Variants in POSTN observed in about 807,000 individuals in gnomAD.
The protein encoded by POSTN is osteoblast specific factor 2 (fasciclin I-like).
In POSTN, 71 loss-of-function variants were observed where a neutral mutation model predicts 104.5. The ratio of observed to expected loss-of-function variants is 0.68; its 90% CI spans 0.56 to 0.83. The LOEUF (loss-of-function observed/expected upper bound fraction) is 0.83, where lower values mean the gene tolerates loss of function less well. Ranked by LOEUF, POSTN falls within the 40% of genes least tolerant of loss-of-function variation. The pLI, the probability that POSTN is intolerant of heterozygous loss-of-function variation, is 0.00. For synonymous variants in POSTN, 355 were observed against 340.7 expected, an observed-to-expected ratio of 1.04 and a Z score of -0.46; for missense variants, 949 against 1,006.8, an observed-to-expected ratio of 0.94 and a Z score of 0.78.
rs1950797063 is a variant in POSTN at position 37,587,912 on chromosome 13, C to G, written c.516G>C (p.Lys172Asn). 5.6e-6 allele frequency: 9 copies of G among 1,599,598 alleles called. No individual in the cohort carries two copies. Among genetic ancestry groups the G allele is most frequent in the Non-Finnish European group, 6.9e-6 (8 of 1,167,276 alleles). ...LNALHSHMIN[K>N]RMLTKDLKNG... Reference sequence around the variant, plus strand: ...TTTTTAAGTCCTTGGTCAACATTCTCTTATTAATCATGTGACTATGTAAAG... The same window carrying G: ...TTTTTAAGTCCTTGGTCAACATTCTGTTATTAATCATGTGACTATGTAAAG... Residue 172 changes from lysine (K) to asparagine (N), a missense_variant, in exon 5 of 23, where the codon AAG (lysine) becomes AAC (asparagine). Transcript: ENST00000379747.
intron 2 of POSTN, among the ~76,000 whole-genome samples, chr13:37,594,210 A>T (rs1951019719): frequency 6.6e-6 from 1 of 152,170 alleles, no homozygotes. Context: ...CAATTTAAAA[A>T]ATGAGATACA....
Position 37,597,568 on chromosome 13 carries a change from G to A in POSTN, c.120-286C>T, listed in dbSNP as rs150492691. ...CTAGGACTATTCAAACAGTATGAACGTAATTTTATTTCTATGTGCCTTATT... is the reference window on the plus strand; with the variant it reads ...CTAGGACTATTCAAACAGTATGAACATAATTTTATTTCTATGTGCCTTATT... On this transcript the variant is annotated intron_variant, in intron 1 of 22. Coordinates refer to ENST00000379747, the MANE Select transcript of POSTN (RefSeq NM_006475.3). Among the ~76,000 whole-genome samples the A allele has an allele frequency of 1.3e-3, 205 of 152,190 alleles. 4 individuals carry two copies. The East Asian group carries it at 0.033, about 25-fold the overall frequency.
chr13:37,563,433 T>C (rs1038430749), intron 22 of POSTN, 63 bp from the exon 23 acceptor site: 91 of 1,124,214 alleles, frequency 8.1e-5, no homozygotes, highest in Non-Finnish European at 1.1e-4. Context: ...AATTTAAGAA[T>C]ATATTATTCT....
intron 9 of POSTN, among the ~76,000 whole-genome samples, chr13:37,583,627 G>C (rs1044848390): frequency 6.6e-5 from 10 of 151,942 alleles, no homozygotes; most frequent in African/African-American, 2.4e-4. Flanking sequence ...TTCTCACCAT[G>C]CTGGCCAGGC....
At chr13:37,567,235 C>CAAAAAAAAAAAAAAAAAAAAAAAA (rs71093694) in intron 21 of POSTN, among the ~76,000 whole-genome samples, 1 of 36,926 alleles carries the variant, frequency 2.7e-5, no homozygotes, top group African/African-American at 1.3e-4. Flanking sequence ...GACTCCGTCT[C>CAAAAAAAAAAAAAAAAAAAAAAAA]AAAAAAAAAA....
At chr13:37,571,490 T>C in intron 17 of POSTN, 32 bp from the exon 18 acceptor site, 4 of 1,472,842 alleles carry the variant, frequency 2.7e-6, no homozygotes, top group Non-Finnish European at 3.8e-6. Flanking sequence ...CAAATTATCA[T>C]GTTAAAACAG....
intron 16 of POSTN, among the ~76,000 whole-genome samples, chr13:37,576,679 A>G (rs547171850): frequency 1.3e-5 from 2 of 152,246 alleles, no homozygotes; most frequent in Non-Finnish European, 2.9e-5. Context: ...TAGAGCCCAT[A>G]AGGATTGCTT....
At chr13:37,571,008 G>A (rs1434806349) in intron 18 of POSTN, 3 of 286,014 alleles carry the variant, frequency 1.0e-5, no homozygotes, top group Admixed American at 4.8e-5. Context: ...TAGTGGAGTG[G>A]CTTATTAGAC....
chr13:37,580,984 T>C (rs1035974013), intron 10 of POSTN, among the ~76,000 whole-genome samples: 4 of 152,198 alleles, frequency 2.6e-5, no homozygotes, highest in Non-Finnish European at 5.9e-5. Context: ...CTACATTTTT[T>C]ATAATTTCTA....
chr13:37,591,446 A>G (rs1205485828), intron 3 of POSTN, among the ~76,000 whole-genome samples: 1 of 152,194 alleles, frequency 6.6e-6, no homozygotes, highest in East Asian at 1.9e-4. Flanking sequence ...ACATGGATGG[A>G]CTTTAAATAT....
At chr13:37,563,481 A>G (rs115549486) in intron 22 of POSTN, 111 bp from the exon 23 acceptor site, 30 of 496,202 alleles carry the variant, frequency 6.0e-5, no homozygotes, top group Non-Finnish European at 8.9e-5. Flanking sequence ...TTTGTAATAA[A>G]CCTTAGATTA....
At chr13:37,591,203 T>C (rs1388430881) in intron 3 of POSTN, among the ~76,000 whole-genome samples, 1 of 152,100 alleles carries the variant, frequency 6.6e-6, no homozygotes, top group Non-Finnish European at 1.5e-5. Context: ...TGAGTCAAAA[T>C]GAACAAGGTT....
Position 37,583,988 on chromosome 13 carries a change from A to C in POSTN, c.1224T>G (p.Pro408=), listed in dbSNP as rs758014171. The change falls in exon 9 of 23, where the codon CCT becomes CCG. Residue 408 remains proline, a synonymous_variant. Coordinates refer to ENST00000379747, the MANE Select transcript of POSTN (RefSeq NM_006475.3). ...ACATACCAGAAAATGCATTATTCAC[A>C]GGTGCCAGCAAAGTGTATTCTCCAT... ...RPDGEYTLLA[P]VNNAFSDDTL... 1.9e-6 allele frequency: 3 copies of C among 1,613,676 alleles called. No individual in the cohort carries two copies. The highest frequency in any genetic ancestry group is 2.7e-5 in the African/African-American group (2 of 74,928).
At chr13:37,566,742 A>T (rs9547958) in intron 21 of POSTN, among the ~76,000 whole-genome samples, 30,400 of 151,978 alleles carry the variant, frequency 0.2, 3,708 homozygotes, top group Non-Finnish European at 0.27. Flanking sequence ...TTCTCCTTTA[A>T]TTGCTTGAGT....
intron 10 of POSTN, among the ~76,000 whole-genome samples, chr13:37,582,154 A>C (rs1283249386): frequency 6.6e-6 from 1 of 152,224 alleles, no homozygotes. Flanking sequence ...TCATAATGAA[A>C]CACATGCAAA....
In POSTN at chr13:37,563,178, G is replaced by GAA; in HGVS notation, c.*153_*154dup. The GAA allele has an allele frequency of 2.4e-6, 1 of 418,334 alleles. No individual in the cohort carries two copies. 25.9% of individuals were successfully genotyped at this position (418,334 alleles called of 1,614,324 possible). On this transcript the variant is annotated 3_prime_UTR_variant, in exon 23 of 23. Transcript: ENST00000379747. ...CAATTTCCCTCATGTTTCTCATTCAGAAAAAAAAATATTAAATTTGTGTTC... is the reference window on the plus strand; with the variant it reads ...CAATTTCCCTCATGTTTCTCATTCAGAAAAAAAAAAATATTAAATTTGTGTTC...
At chr13:37,569,186 G>A in intron 21 of POSTN, 114 bp downstream of exon 21, 1 of 610,332 alleles carries the variant, frequency 1.6e-6, no homozygotes, top group Non-Finnish European at 2.7e-6. Flanking sequence ...AGTGGATGTT[G>A]TCTTTTTTTT....
chr13:37,570,929 G>A (rs1026613832), intron 18 of POSTN: 11 of 370,198 alleles, frequency 3.0e-5, no homozygotes, highest in African/African-American at 1.6e-4. Flanking sequence ...TCTGGATGTG[G>A]AATAAATACT....
At chr13:37,586,414 A>G (rs1950747044) in intron 6 of POSTN, 134 bp from the exon 7 acceptor site, 1 of 979,568 alleles carries the variant, frequency 1.0e-6, no homozygotes, top group Non-Finnish European at 1.5e-6. Flanking sequence ...AATCTTCAAA[A>G]TATTACTTTT....
Sources: gnomAD v4.1 joint callset for allele counts (sites outside exome capture counted in the v4.1 genomes callset) on GRCh38, gnomAD v4.1.1 for gene constraint, MANE v1.5 for transcripts, NCBI Gene and HGNC (gene_info 2026-07-23, HGNC 2026-07-21) for gene names.